The following UGCG variants were observed in gnomAD, a reference collection of about 807,000 sequenced individuals.
The protein encoded by UGCG is UDP-glucose ceramide glucosyltransferase.
Under a neutral mutation model 49.5 loss-of-function variants are expected in UGCG, and 10 were observed. That is an observed-to-expected ratio of 0.20 (90% CI 0.12 to 0.34). The LOEUF is 0.34. Ranked by LOEUF, UGCG falls within the 10% of genes least tolerant of loss-of-function variation. UGCG has a pLI of 1.00. For missense variants in UGCG, 312 were observed against 483.7 expected (o/e 0.65, Z 3.33); for synonymous variants, 182 against 158.2 (o/e 1.15, Z -1.13).
intron 1 of UGCG, among the ~76,000 whole-genome samples, chr9:111,912,948 A>C: frequency 1.3e-5 from 2 of 151,940 alleles, no homozygotes; most frequent in East Asian, 3.9e-4. Flanking sequence ...CTTATCTAAA[A>C]CGTTAGATGT....
intron 1 of UGCG, among the ~76,000 whole-genome samples, chr9:111,898,632 C>A (rs942860793): frequency 1.3e-5 from 2 of 151,886 alleles, no homozygotes; most frequent in Non-Finnish European, 2.9e-5. Context: ...TATGTGAGTT[C>A]TTTTTCTTTA....
intron 1 of UGCG, among the ~76,000 whole-genome samples, chr9:111,902,962 G>T (rs1430662903): frequency 6.6e-6 from 1 of 152,148 alleles, no homozygotes; most frequent in Non-Finnish European, 1.5e-5. Flanking sequence ...ACTTTCAGTA[G>T]AGGTGGGGTT....
At chr9:111,913,036 C>G (rs1408836025) in intron 1 of UGCG, among the ~76,000 whole-genome samples, 2 of 152,140 alleles carry the variant, frequency 1.3e-5, no homozygotes, top group Non-Finnish European at 2.9e-5. Context: ...CGGTGTCCCT[C>G]CAGAAGTCTT....
chr9:111,931,012 T>A (rs750614891), intron 6 of UGCG, among the ~76,000 whole-genome samples: 2 of 152,184 alleles, frequency 1.3e-5, no homozygotes, highest in African/African-American at 2.4e-5. Flanking sequence ...TCAAAATGAC[T>A]GCATTTTAAG....
chr9:111,911,941 TATA>T (rs1838012012), intron 1 of UGCG, among the ~76,000 whole-genome samples: 3 of 46,594 alleles, frequency 6.4e-5, no homozygotes, highest in African/African-American at 2.7e-4. Context: ...TATATATATA[TATA>T]TATATATATA....
rs1009987336 is a variant in UGCG, at chr9:111,914,598, T to A, written c.99-7T>A. 3.1e-6 allele frequency: 5 copies of A among 1,612,436 alleles called. No individual in the cohort carries two copies. The Admixed American group carries it at 5.0e-5, about 16-fold the overall frequency. ...TAGAAATAATTTTTATATCATTTGC[T>A]TTTTAGCCGATTACACCTCAACAAG... On this transcript the variant is annotated splice_polypyrimidine_tract_variant and splice_region_variant and intron_variant, in intron 1 of 8. Coordinates refer to ENST00000374279, the MANE Select transcript of UGCG (RefSeq NM_003358.3).
chr9:111,925,195 T>A (rs575742288), intron 4 of UGCG, among the ~76,000 whole-genome samples: 17 of 152,334 alleles, frequency 1.1e-4, no homozygotes, highest in East Asian at 9.6e-4. Flanking sequence ...GCCTGACACT[T>A]ATCTTTAATG....
rs1838482379 is a variant in UGCG, at chr9:111,934,543, T to G, written c.*1546T>G. 6.6e-6 allele frequency: 1 copy of G among 152,202 alleles called. No individual in the cohort carries two copies. The highest frequency in any genetic ancestry group is 1.5e-5 in the Non-Finnish European group (1 of 68,040). 9.4% of individuals were successfully genotyped at this position (152,202 alleles called of 1,614,324 possible). On this transcript the variant is annotated 3_prime_UTR_variant, in exon 9 of 9. Coordinates refer to ENST00000374279, the MANE Select transcript of UGCG (RefSeq NM_003358.3). ...CTACAGTCTCCATGTCAAAGCATAA[T>G]GTGTAGCATATCAGCAATAACTACA...
intron 6 of UGCG, among the ~76,000 whole-genome samples, chr9:111,930,718 T>C (rs1838411284): frequency 6.6e-6 from 1 of 152,218 alleles, no homozygotes; most frequent in Admixed American, 6.5e-5. Context: ...TCCGCCCGCC[T>C]CAGCCTCCCA....
intron 1 of UGCG, among the ~76,000 whole-genome samples, chr9:111,904,200 G>A (rs1001581157): frequency 2.0e-5 from 3 of 152,106 alleles, no homozygotes; most frequent in African/African-American, 7.2e-5. Flanking sequence ...GCCTCACCTC[G>A]TATCAGTCTG....
At chr9:111,899,505 A>G (rs1379347064) in intron 1 of UGCG, among the ~76,000 whole-genome samples, 1 of 152,218 alleles carries the variant, frequency 6.6e-6, no homozygotes, top group Non-Finnish European at 1.5e-5. Flanking sequence ...TCTTTCTGAT[A>G]TAAAGGTTGT....
chr9:111,932,946 T>C lies in UGCG; in HGVS notation c.1134T>C (p.Gly378=), dbSNP rs2118610498. Residue 378 remains glycine, a synonymous_variant, in exon 9 of 9, where the codon GGT becomes GGC. Transcript: ENST00000374279. The part of the protein sequence containing the change: ...LWDPTISWRT[G]RYRLRCGGTA... ...ACCCAACTATAAGCTGGAGAACTGG[T>C]CGCTACAGATTACGCTGTGGGGGTA... is the stretch of plus-strand genomic sequence containing the variant. 8 of 1,612,480 alleles carry C rather than the reference T, an allele frequency of 5.0e-6. No homozygotes were observed. In the South Asian group the frequency reaches 8.8e-5, roughly 18 times the overall value.
chr9:111,930,528 C>T (rs1838407387), intron 6 of UGCG, among the ~76,000 whole-genome samples: 2 of 148,356 alleles, frequency 1.3e-5, no homozygotes, highest in East Asian at 2.0e-4. Context: ...AGTGCAGTGG[C>T]GCAATCTCGG....
At chr9:111,932,104 A>G (rs542519537) in intron 7 of UGCG, 66 bp from the exon 8 acceptor site, 90 of 1,121,344 alleles carry the variant, frequency 8.0e-5, no homozygotes, top group Middle Eastern at 2.4e-4. Flanking sequence ...TATTTGAGGG[A>G]AAAAAAAAAG....
At position 111,897,019 on chromosome 9, in the gene UGCG, G is replaced by A. The variant is rs914477653; in HGVS notation, c.-197G>A. On this transcript the variant is annotated 5_prime_UTR_variant, in exon 1 of 9. Transcript: ENST00000374279. Reference sequence around the variant, plus strand: ...CCCGCGAGCGCGCCGAAGACAGCGCGCAGGCGAGAGCGCGCGGGCGGGGGC... The same window carrying A: ...CCCGCGAGCGCGCCGAAGACAGCGCACAGGCGAGAGCGCGCGGGCGGGGGC... The A allele has an allele frequency of 6.1e-6, 2 of 325,352 alleles. No homozygotes were observed. Among genetic ancestry groups the A allele is most frequent in the Non-Finnish European group, 1.1e-5 (2 of 181,422 alleles). The allele number at this position is 325,352 out of a possible 1,614,324, so 20.2% of individuals were successfully genotyped here.
rs1462540660 is a variant in UGCG at position 111,929,597 on chromosome 9, T to C, written c.656T>C (p.Val219Ala). 1 of 1,614,060 alleles carries C rather than the reference T, an allele frequency of 6.2e-7. No individual in the cohort carries two copies. The highest frequency in any genetic ancestry group is 1.7e-5 in the Admixed American group (1 of 60,014). The change falls in exon 6 of 9, where the codon GTG becomes GCG. Residue 219 changes from valine (V) to alanine (A), a missense_variant. Coordinates refer to ENST00000374279, the MANE Select transcript of UGCG (RefSeq NM_003358.3). ...TGMSCLMRKD[V>A]LDQAGGLIAF... ...ATGTCTTGTTTAATGAGAAAAGATG[T>C]GTTGGATCAAGCAGGAGGACTTATA...
chr9:111,915,941 T>C, intron 2 of UGCG: 1 of 465,230 alleles, frequency 2.1e-6, no homozygotes, highest in Non-Finnish European at 2.8e-6. Flanking sequence ...GAAGCTGTTT[T>C]GAAGCAAAAA....
intron 5 of UGCG, among the ~76,000 whole-genome samples, chr9:111,926,993 C>T (rs1436890530): frequency 6.7e-6 from 1 of 149,864 alleles, no homozygotes; most frequent in Non-Finnish European, 1.5e-5. Flanking sequence ...CTGCCTCAGC[C>T]TCCCAAGTAG....
chr9:111,920,213 A>G (rs1264331315), intron 2 of UGCG, among the ~76,000 whole-genome samples: 1 of 152,184 alleles, frequency 6.6e-6, no homozygotes, highest in Non-Finnish European at 1.5e-5. Flanking sequence ...AGCAGTATGT[A>G]GGTAGAAAGT....
Sources: gnomAD v4.1 joint callset for allele counts (sites outside exome capture counted in the v4.1 genomes callset) on GRCh38, gnomAD v4.1.1 for gene constraint, MANE v1.5 for transcripts, NCBI Gene and HGNC (gene_info 2026-07-23, HGNC 2026-07-21) for gene names.